The following CHST15 variants were observed in gnomAD, a reference collection of about 807,000 sequenced individuals.
CHST15 encodes the protein B cell RAG associated protein (GALNAC4S-6ST).
Under a neutral mutation model 53.6 loss-of-function variants are expected in CHST15, and 30 were observed. The observed-to-expected ratio is 0.56, with a 90% CI of 0.42 to 0.76. CHST15 has a LOEUF of 0.76. Among genes scored for constraint, CHST15 ranks in the 30% least tolerant of loss-of-function variants. The pLI, the probability that CHST15 is intolerant of heterozygous loss-of-function variation, is 0.00. For missense variants in CHST15, 627 were observed against 740.5 expected, an observed-to-expected ratio of 0.85 and a Z score of 1.78; for synonymous variants, 296 against 289.8, an observed-to-expected ratio of 1.02 and a Z score of -0.22.
In CHST15 at chr10:124,036,435, A is replaced by C. The variant is rs962062022; in HGVS notation, c.1190+2080T>G. On this transcript the variant is annotated intron_variant, in intron 5 of 7. Transcript: ENST00000435907. This position sits in a 1 kb window ranked among gnomAD's most constrained non-coding sequence, Gnocchi z 5.1. ...CCTGGCACCTGCTAGAAGGCATGGC[A>C]CCGGGACAGCCACCAAGAGCTCAGG... Among the ~76,000 whole-genome samples, 2 of 152,150 alleles carry C rather than the reference A, an allele frequency of 1.3e-5. No homozygotes were observed. The highest frequency in any genetic ancestry group is 2.9e-5 in the Non-Finnish European group (2 of 68,012).
intron 1 of CHST15, among the ~76,000 whole-genome samples, chr10:124,063,897 C>T (rs147156160): frequency 6.6e-5 from 10 of 152,272 alleles, no homozygotes; most frequent in African/African-American, 1.7e-4. Flanking sequence ...AGCAATACAG[C>T]GTATGAATCA....
At chr10:124,034,217 T>G (rs1947333715) in intron 5 of CHST15, among the ~76,000 whole-genome samples, 1 of 152,204 alleles carries the variant, frequency 6.6e-6, no homozygotes, top group Non-Finnish European at 1.5e-5. Flanking sequence ...TCTGTTAGGC[T>G]GAGGACCAGG....
intron 5 of CHST15, among the ~76,000 whole-genome samples, chr10:124,035,323 AG>A (rs1947441692): frequency 7.8e-6 from 1 of 127,868 alleles, no homozygotes; most frequent in Non-Finnish European, 1.6e-5. Flanking sequence ...ACCCACTAAC[AG>A]GGACCCTGGC....
intron 3 of CHST15, among the ~76,000 whole-genome samples, chr10:124,043,681 G>A (rs568354541): frequency 1.3e-5 from 2 of 152,384 alleles, no homozygotes; most frequent in South Asian, 4.1e-4. Flanking sequence ...TTAAGCTGGA[G>A]CAGAGAGGGA....
At chr10:124,038,480 T>C (rs777248991) in intron 5 of CHST15, 35 bp downstream of exon 5, 1 of 1,603,908 alleles carries the variant, frequency 6.2e-7, no homozygotes, top group Non-Finnish European at 8.5e-7. Context: ...AAGTTCCTCT[T>C]CTCACCCCAA....
intron 7 of CHST15, chr10:124,011,510 C>G (rs1946416172): frequency 1.0e-6 from 1 of 985,348 alleles, no homozygotes; most frequent in Non-Finnish European, 1.2e-6. Context: ...TAACCAAGTT[C>G]CCGGGCAAGA....
chr10:124,087,809 G>A (rs993865685), intron 1 of CHST15, among the ~76,000 whole-genome samples: 2 of 150,004 alleles, frequency 1.3e-5, no homozygotes, highest in Admixed American at 6.7e-5. Context: ...TCCACCTAGA[G>A]CCACGCGGTC....
intron 1 of CHST15, among the ~76,000 whole-genome samples, chr10:124,055,508 T>A (rs1296837965): frequency 3.3e-5 from 5 of 152,174 alleles, no homozygotes; most frequent in African/African-American, 4.8e-5. Flanking sequence ...GTGTCCAATT[T>A]TCCTGTCTGC....
intron 6 of CHST15, among the ~76,000 whole-genome samples, chr10:124,013,622 A>G (rs1256798435): frequency 1.3e-5 from 2 of 152,198 alleles, no homozygotes; most frequent in Admixed American, 6.5e-5. Context: ...GGGTTGGAGA[A>G]TATCTCTCCT....
At chr10:124,028,407 C>T (rs9422265) in intron 5 of CHST15, among the ~76,000 whole-genome samples, 121,199 of 152,154 alleles carry the variant, frequency 0.8, 48,639 homozygotes, top group Non-Finnish European at 0.84. Flanking sequence ...AAAACCTCTC[C>T]CCATAGTGGG....
chr10:124,028,153 G>A (rs1474445040), intron 5 of CHST15, among the ~76,000 whole-genome samples: 1 of 152,170 alleles, frequency 6.6e-6, no homozygotes, highest in African/African-American at 2.4e-5. Context: ...ATGTGTTTAC[G>A]GAACATCACA....
At chr10:124,011,855 C>T in intron 7 of CHST15, 1 of 985,408 alleles carries the variant, frequency 1.0e-6, no homozygotes, top group South Asian at 4.7e-5. Flanking sequence ...TGTCTGTTCC[C>T]TCCTCTAAGC....
intron 1 of CHST15, among the ~76,000 whole-genome samples, chr10:124,076,269 T>A (rs116522006): frequency 6.6e-6 from 1 of 152,246 alleles, no homozygotes; most frequent in Admixed American, 6.5e-5. Context: ...TTCTCAAAGC[T>A]GAGCTGTCAA....
chr10:124,081,570 G>A (rs188679246), intron 1 of CHST15, among the ~76,000 whole-genome samples: 50 of 152,290 alleles, frequency 3.3e-4, no homozygotes, highest in African/African-American at 1.2e-3. Context: ...TTGTAAAGGT[G>A]CTTTAGAATA....
In CHST15 at chr10:124,007,841, CAAT is replaced by C; in HGVS notation, c.*2305_*2307del. On this transcript the variant is annotated 3_prime_UTR_variant, in exon 8 of 8. Coordinates refer to ENST00000435907, the MANE Select transcript of CHST15 (RefSeq NM_001270764.2). Reference sequence around the variant, plus strand: ...AACTTTTGAGAACAAAAAGGAACTTCAATACCATGTTGTGAGAAATGCTCCAAT... The same window carrying C: ...AACTTTTGAGAACAAAAAGGAACTTCACCATGTTGTGAGAAATGCTCCAAT... The C allele has an allele frequency of 8.1e-7, 1 of 1,232,134 alleles. No individual in the cohort carries two copies. The allele number at this position is 1,232,134 out of a possible 1,614,324, so 76.3% of individuals were successfully genotyped here.
In CHST15 at chr10:124,012,608, C is replaced by T. The variant is rs1590172671; in HGVS notation, c.1348-128G>A. The T allele has an allele frequency of 3.7e-6, 4 of 1,092,612 alleles. No homozygotes were observed. In the East Asian group the frequency reaches 1.0e-4, roughly 28 times the overall value. The allele number at this position is 1,092,612 out of a possible 1,614,324, so 67.7% of individuals were successfully genotyped here. ...ATCCTAGCAAAGTTACTTTCAGAAG[C>T]TGGATTTTAACACAAGGTGTTCTTG... On this transcript the variant is annotated intron_variant, in intron 6 of 7. Coordinates refer to ENST00000435907, the MANE Select transcript of CHST15 (RefSeq NM_001270764.2).
intron 1 of CHST15, among the ~76,000 whole-genome samples, chr10:124,087,389 G>A (rs1215894792): frequency 3.3e-5 from 5 of 152,170 alleles, no homozygotes; most frequent in African/African-American, 4.8e-5. Flanking sequence ...CGGCAGGGGC[G>A]TATTCTGTTT....
In CHST15 at chr10:124,019,664, G is replaced by A. The variant is rs1208265020; in HGVS notation, c.1347+1592C>T. 5 of 562,592 alleles carry A rather than the reference G, an allele frequency of 8.9e-6. No individual in the cohort carries two copies. The highest frequency in any genetic ancestry group is 1.1e-5 in the Non-Finnish European group (5 of 443,392). 34.9% of individuals were successfully genotyped at this position (562,592 alleles called of 1,614,324 possible). On this transcript the variant is annotated intron_variant, in intron 6 of 7. Transcript: ENST00000435907. The surrounding 1 kb of genome is among the most constrained non-coding windows in gnomAD (Gnocchi z 4.6). ...TAAACAAGTATGTGTGCTTTCTCGC[G>A]TTAGTCTTTTATTATAGGTGCCTCA...
In CHST15 at chr10:124,024,465, G is replaced by T. The variant is rs923446957; in HGVS notation, c.1191-3053C>A. Among the ~76,000 whole-genome samples the T allele has an allele frequency of 6.6e-6, 1 of 152,160 alleles. No homozygotes were observed. Among genetic ancestry groups the T allele is most frequent in the African/African-American group, 2.4e-5 (1 of 41,518 alleles). ...GTTCCTAGAATCAAAACACCCACCG[G>T]AACAGGAGTGTTCCATCTACCACAG... On this transcript the variant is annotated intron_variant, in intron 5 of 7. Coordinates refer to ENST00000435907, the MANE Select transcript of CHST15 (RefSeq NM_001270764.2). This position sits in a 1 kb window ranked among gnomAD's most constrained non-coding sequence, Gnocchi z 4.0.
Sources: allele counts gnomAD v4.1 joint callset (sites outside exome capture counted in the v4.1 genomes callset), GRCh38; gene constraint gnomAD v4.1.1; non-coding constraint Gnocchi (gnomAD v3.1); transcripts MANE v1.5; gene names NCBI Gene and HGNC (gene_info 2026-07-23, HGNC 2026-07-21).